CBLB: variants seen among roughly 807,000 people sequenced by gnomAD.
CBLB encodes the protein Cbl proto-oncogene B.
A neutral mutation model predicts 104.9 loss-of-function variants in CBLB; 31 were observed. The ratio of observed to expected loss-of-function variants is 0.30; its 90% CI spans 0.22 to 0.40. The LOEUF is 0.40. CBLB is among the 10% of genes least tolerant of loss of function. CBLB has a pLI of 1.00. For synonymous variants in CBLB, 440 were observed against 422.6 expected (o/e 1.04, Z -0.51); for missense variants, 1,062 against 1,214.6 (o/e 0.87, Z 1.87).
At chr3:105,866,483 T>G (rs1330349036) in intron 2 of CBLB, among the ~76,000 whole-genome samples, 1 of 152,190 alleles carries the variant, frequency 6.6e-6, no homozygotes, top group Non-Finnish European at 1.5e-5. Context: ...GCCCCAGATA[T>G]CTATGAAATA....
At chr3:105,855,161 A>G (rs1288519271) in intron 2 of CBLB, among the ~76,000 whole-genome samples, 1 of 152,198 alleles carries the variant, frequency 6.6e-6, no homozygotes, top group Non-Finnish European at 1.5e-5. Flanking sequence ...AGAATATACT[A>G]TTAATATATG....
At chr3:105,689,984 C>T (rs1263621389) in intron 13 of CBLB, among the ~76,000 whole-genome samples, 2 of 151,574 alleles carry the variant, frequency 1.3e-5, no homozygotes, top group African/African-American at 2.4e-5. Flanking sequence ...ACAAATTACA[C>T]AATAAAAGTC....
intron 3 of CBLB, among the ~76,000 whole-genome samples, chr3:105,832,485 TG>T (rs1264791822): frequency 3.9e-5 from 6 of 152,246 alleles, no homozygotes; most frequent in Non-Finnish European, 7.3e-5. Flanking sequence ...TGCATGTGGC[TG>T]TAAGACCCTT....
chr3:105,656,500 G>A lies in CBLB; in HGVS notation c.*2470C>T, dbSNP rs1016030354. The A allele has an allele frequency of 1.5e-4, 29 of 188,944 alleles. No individual in the cohort carries two copies. The East Asian group carries it at 1.8e-3, about 12-fold the overall frequency. The allele number at this position is 188,944 out of a possible 1,614,324, so 11.7% of individuals were successfully genotyped here. A position where few individuals can be genotyped will look rare whatever the true frequency, so the allele number is the denominator to read the frequency against. ...AGTTTTCCTCTTTTCATTCCATTAC[G>A]TATGAATTTTTGATTCATTCTTTTT... is the stretch of plus-strand genomic sequence containing the variant. On this transcript the variant is annotated 3_prime_UTR_variant, in exon 19 of 19. Coordinates refer to ENST00000394030, the MANE Select transcript of CBLB (RefSeq NM_170662.5).
rs764673428 is a variant in CBLB at position 105,702,360 on chromosome 3, T to C, written c.1693A>G (p.Ile565Val). Residue 565 changes from isoleucine to valine, a missense_variant, in exon 12 of 19, where the codon ATC becomes GTC. Transcript: ENST00000394030. ...PPPPPERPPPIPPDNRLSRHI... is the reference protein window; with the variant it reads ...PPPPPERPPPVPPDNRLSRHI... Reference sequence around the variant, plus strand: ...CTACTCAGTCTATTGTCTGGTGGGATTGGTGGAGGTCTTTCAGGTGGCGGT... The same window carrying C: ...CTACTCAGTCTATTGTCTGGTGGGACTGGTGGAGGTCTTTCAGGTGGCGGT... 1.2e-6 allele frequency: 2 copies of C among 1,612,562 alleles called. No individual in the cohort carries two copies. The highest frequency in any genetic ancestry group is 1.1e-5 in the South Asian group (1 of 90,954).
At chr3:105,864,056 T>C (rs886078147) in intron 2 of CBLB, among the ~76,000 whole-genome samples, 1 of 152,216 alleles carries the variant, frequency 6.6e-6, no homozygotes, top group African/African-American at 2.4e-5. Flanking sequence ...CACCTCAGCA[T>C]TTCCAACAAG....
intron 3 of CBLB, among the ~76,000 whole-genome samples, chr3:105,827,050 G>A (rs1480810279): frequency 6.6e-6 from 1 of 152,280 alleles, no homozygotes; most frequent in Middle Eastern, 3.4e-3. Context: ...AGGAAACCAA[G>A]AGTAGGACAT....
At chr3:105,766,450 T>C (rs1264152868) in intron 4 of CBLB, among the ~76,000 whole-genome samples, 1 of 152,198 alleles carries the variant, frequency 6.6e-6, no homozygotes, top group African/African-American at 2.4e-5. Context: ...AAATATTACA[T>C]GAAAGGAAGA....
intron 3 of CBLB, among the ~76,000 whole-genome samples, chr3:105,803,907 C>T (rs1304588712): frequency 6.6e-6 from 1 of 152,078 alleles, no homozygotes; most frequent in Non-Finnish European, 1.5e-5. Flanking sequence ...ACAAGACACT[C>T]AATTACAGGA....
intron 18 of CBLB, among the ~76,000 whole-genome samples, chr3:105,667,612 G>T (rs1370451607): frequency 2.0e-5 from 3 of 152,028 alleles, no homozygotes; most frequent in African/African-American, 7.2e-5. Context: ...TATTTTCTTT[G>T]GGAGGAATAA....
At chr3:105,770,994 A>G (rs1054460329) in intron 4 of CBLB, among the ~76,000 whole-genome samples, 2 of 152,200 alleles carry the variant, frequency 1.3e-5, no homozygotes, top group African/African-American at 4.8e-5. Flanking sequence ...TACTAATCCT[A>G]CTGAAACTGT....
At chr3:105,795,071 G>A (rs758694858) in intron 3 of CBLB, among the ~76,000 whole-genome samples, 3 of 151,870 alleles carry the variant, frequency 2.0e-5, no homozygotes, top group African/African-American at 7.3e-5. Flanking sequence ...GCACCACCAC[G>A]CCCGGCTAAT....
At chr3:105,804,328 G>A (rs1316951476) in intron 3 of CBLB, among the ~76,000 whole-genome samples, 1 of 150,076 alleles carries the variant, frequency 6.7e-6, no homozygotes, top group East Asian at 1.9e-4. Context: ...AGACCAACCT[G>A]GGCAAGATGG....
In CBLB at chr3:105,797,937, C is replaced by T. The variant is rs115986146; in HGVS notation, c.420-21395G>A. ...AAGCTCAAGAGCAAGGCAGTTTCCC[C>T]TGGTTTTACCCATTACAACGGTAGA... On this transcript the variant is annotated intron_variant, in intron 3 of 18. Coordinates refer to ENST00000394030, the MANE Select transcript of CBLB (RefSeq NM_170662.5). 3.0e-3 allele frequency among the ~76,000 whole-genome samples: 451 copies of T among 152,272 alleles called. 2 individuals are homozygous for T. The highest frequency in any genetic ancestry group is 6.8e-3 in the Middle Eastern group (2 of 294).
At chr3:105,694,721 T>G (rs2068116522) in intron 12 of CBLB, among the ~76,000 whole-genome samples, 1 of 151,904 alleles carries the variant, frequency 6.6e-6, no homozygotes, top group African/African-American at 2.4e-5. Context: ...TTTTATAGCT[T>G]TAAAGTTTCA....
At chr3:105,864,205 C>T (rs2092292001) in intron 2 of CBLB, among the ~76,000 whole-genome samples, 1 of 152,154 alleles carries the variant, frequency 6.6e-6, no homozygotes, top group Admixed American at 6.6e-5. Context: ...TAGCCCTTTC[C>T]ATACTACATG....
At chr3:105,672,021 T>C (rs1442042200) in intron 17 of CBLB, 1 of 191,280 alleles carries the variant, frequency 5.2e-6, no homozygotes, top group Non-Finnish European at 1.1e-5. Flanking sequence ...GATTTTGCAC[T>C]AGATATTTCA....
chr3:105,837,694 ACAGTT>A (rs1244599524), intron 3 of CBLB, among the ~76,000 whole-genome samples: 2 of 152,334 alleles, frequency 1.3e-5, no homozygotes, highest in Middle Eastern at 3.4e-3. Context: ...GAGAATACAT[ACAGTT>A]AAGAGTTGCT....
intron 6 of CBLB, among the ~76,000 whole-genome samples, chr3:105,743,894 C>A (rs1194432445): frequency 6.6e-6 from 1 of 151,454 alleles, no homozygotes; most frequent in Non-Finnish European, 1.5e-5. Context: ...TCATTAGCTA[C>A]CTAAAATTTA....
Sources: gnomAD v4.1 joint callset for allele counts (sites outside exome capture counted in the v4.1 genomes callset) on GRCh38, gnomAD v4.1.1 for gene constraint, MANE v1.5 for transcripts, NCBI Gene and HGNC (gene_info 2026-07-23, HGNC 2026-07-21) for gene names.